Variants in TRAPPC3L observed in about 807,000 individuals in gnomAD.
TRAPPC3L encodes the protein trafficking protein particle complex subunit 3-like protein.
Under a neutral mutation model 23.7 loss-of-function variants are expected in TRAPPC3L, and 23 were observed. That is an observed-to-expected ratio of 0.97 (90% confidence interval 0.70 to 1.37). TRAPPC3L has a LOEUF of 1.37. Among genes scored for constraint, TRAPPC3L ranks in the 40% most tolerant of loss-of-function variants. The pLI is 0.00. For synonymous variants in TRAPPC3L, 81 were observed against 77.9 expected (o/e 1.04, Z -0.21); for missense variants, 212 against 216.8 (o/e 0.98, Z 0.14).
At chr6:116,530,222 C>T (rs550305733) in intron 3 of TRAPPC3L, among the ~76,000 whole-genome samples, 5 of 152,110 alleles carry the variant, frequency 3.3e-5, no homozygotes, top group Non-Finnish European at 7.4e-5. Flanking sequence ...AACCACCCCC[C>T]CTCCTTTTTA....
chr6:116,502,712 G>A (rs1373386138), intron 3 of TRAPPC3L, among the ~76,000 whole-genome samples: 1 of 152,210 alleles, frequency 6.6e-6, no homozygotes, highest in Non-Finnish European at 1.5e-5. Flanking sequence ...GAGAGTGGGG[G>A]CCAATATTCA....
chr6:116,503,605 A>G (rs1285319378), intron 3 of TRAPPC3L, among the ~76,000 whole-genome samples: 1 of 152,192 alleles, frequency 6.6e-6, no homozygotes, highest in Non-Finnish European at 1.5e-5. Context: ...TTATTCTAAC[A>G]TTGACCACAT....
At chr6:116,527,519 CAAAAAAAAAAA>C (rs34686241) in intron 3 of TRAPPC3L, among the ~76,000 whole-genome samples, 1 of 112,380 alleles carries the variant, frequency 8.9e-6, no homozygotes, top group Admixed American at 1.0e-4. Context: ...CGTCTCAAAA[CAAAAAAAAAAA>C]AAAAAAAAAG....
chr6:116,512,018 T>C (rs758169690), intron 3 of TRAPPC3L: 27 of 1,614,002 alleles, frequency 1.7e-5, no homozygotes, highest in Non-Finnish European at 2.2e-5. Flanking sequence ...TCTGAGCTCA[T>C]TGGTGGCTCC....
At chr6:116,527,799 AAC>A (rs1772491066) in intron 3 of TRAPPC3L, among the ~76,000 whole-genome samples, 1 of 152,204 alleles carries the variant, frequency 6.6e-6, no homozygotes, top group Non-Finnish European at 1.5e-5. Flanking sequence ...GAAGATTCAA[AAC>A]TTCTCCCCTA....
intron 3 of TRAPPC3L, among the ~76,000 whole-genome samples, chr6:116,510,056 G>A (rs1360809036): frequency 6.6e-6 from 1 of 152,022 alleles, no homozygotes; most frequent in Admixed American, 6.6e-5. Flanking sequence ...TATACAAATG[G>A]ACAACAAACA....
rs750166603 is a variant in TRAPPC3L, at chr6:116,515,959, G to T, written c.241-15293C>A. On this transcript the variant is annotated intron_variant, in intron 3 of 4. Coordinates refer to ENST00000368602, the MANE Select transcript of TRAPPC3L (RefSeq NM_001139444.3). ...GCCCTGAGGATGATGAGACGACAATGGTCCTTGTGGGTACTGCCCACAATA... is the reference window on the plus strand; with the variant it reads ...GCCCTGAGGATGATGAGACGACAATTGTCCTTGTGGGTACTGCCCACAATA... 10 of 1,607,252 alleles carry T rather than the reference G, an allele frequency of 6.2e-6. No individual in the cohort carries two copies. In the Middle Eastern group the frequency reaches 5.0e-4, roughly 80 times the overall value.
rs57050552 is a variant in TRAPPC3L, at chr6:116,516,660, A to AAT, written c.241-15996_241-15995dup. The AAT allele has an allele frequency of 8.5e-3, 879 of 103,856 alleles. 7 individuals carry two copies. The highest frequency in any genetic ancestry group is 0.01 in the Non-Finnish European group (558 of 53,210). The allele number at this position is 103,856 out of a possible 1,614,324, so 6.4% of individuals were successfully genotyped here. ...TCCTACATTCAAAATAGTAGTAACA[A>AAT]ATATATATATATATATATATATATA... On this transcript the variant is annotated intron_variant, in intron 3 of 4. Transcript: ENST00000368602.
chr6:116,534,240 G>C (rs1368983661), intron 3 of TRAPPC3L, among the ~76,000 whole-genome samples: 1 of 152,118 alleles, frequency 6.6e-6, no homozygotes, highest in Non-Finnish European at 1.5e-5. Context: ...CGCCTTCCAA[G>C]CTGTGGGACT....
At chr6:116,542,381 T>C (rs184850281) in intron 2 of TRAPPC3L, among the ~76,000 whole-genome samples, 1 of 152,114 alleles carries the variant, frequency 6.6e-6, no homozygotes, top group Non-Finnish European at 1.5e-5. Context: ...AAAATGAGAG[T>C]TTTTTAAAAA....
chr6:116,528,296 T>C (rs937820817), intron 3 of TRAPPC3L, among the ~76,000 whole-genome samples: 1 of 152,192 alleles, frequency 6.6e-6, no homozygotes, highest in Admixed American at 6.5e-5. Context: ...ATCCAATCAG[T>C]CTCAAAATCC....
chr6:116,540,067 G>A (rs775721647), intron 3 of TRAPPC3L, among the ~76,000 whole-genome samples: 4 of 152,170 alleles, frequency 2.6e-5, no homozygotes, highest in Non-Finnish European at 5.9e-5. Flanking sequence ...CATGTTTTAA[G>A]GTTGCCCTAT....
At chr6:116,524,253 C>T (rs886728789) in intron 3 of TRAPPC3L, 1 of 152,092 alleles carries the variant, frequency 6.6e-6, no homozygotes, top group East Asian at 1.9e-4. Context: ...GGTAGGTACA[C>T]GGAATTCATT....
At chr6:116,509,125 T>C (rs553112352) in intron 3 of TRAPPC3L, among the ~76,000 whole-genome samples, 1 of 138,758 alleles carries the variant, frequency 7.2e-6, no homozygotes, top group Non-Finnish European at 1.5e-5. Flanking sequence ...CACCGATGAA[T>C]ATACTTAATC....
intron 4 of TRAPPC3L, among the ~76,000 whole-genome samples, chr6:116,497,959 A>G (rs1434271145): frequency 6.6e-6 from 1 of 152,190 alleles, no homozygotes; most frequent in Non-Finnish European, 1.5e-5. Context: ...TTAAACCATT[A>G]GTGTACCAAA....
chr6:116,530,143 A>G (rs1022262176), intron 3 of TRAPPC3L, among the ~76,000 whole-genome samples: 9 of 152,196 alleles, frequency 5.9e-5, no homozygotes, highest in African/African-American at 1.9e-4. Flanking sequence ...GTTATTTAGA[A>G]AATGAAGGAA....
rs905650502 is a variant in TRAPPC3L at position 116,527,803 on chromosome 6, T to C, written c.240+12560A>G. 2.0e-5 allele frequency among the ~76,000 whole-genome samples: 3 copies of C among 152,144 alleles called. No homozygotes were observed. The East Asian group carries it at 5.8e-4, about 29-fold the overall frequency. Reference sequence around the variant, plus strand: ...TGGGATACCCGGAAGATTCAAAACTTCTCCCCTAGGAGGGAGAGCATTTGG... The same window carrying C: ...TGGGATACCCGGAAGATTCAAAACTCCTCCCCTAGGAGGGAGAGCATTTGG... On this transcript the variant is annotated intron_variant, in intron 3 of 4. Coordinates refer to ENST00000368602, the MANE Select transcript of TRAPPC3L (RefSeq NM_001139444.3).
chr6:116,521,830 C>G (rs1452786432), intron 3 of TRAPPC3L: 1 of 152,202 alleles, frequency 6.6e-6, no homozygotes, highest in Non-Finnish European at 1.5e-5. Context: ...CACTTTGAAT[C>G]TGACCTTATG....
At chr6:116,528,996 G>A (rs1772536945) in intron 3 of TRAPPC3L, 1 of 152,230 alleles carries the variant, frequency 6.6e-6, no homozygotes, top group East Asian at 1.9e-4. Flanking sequence ...AAAATGTTGA[G>A]AATGAGGCAT....
Sources: allele counts gnomAD v4.1 joint callset (sites outside exome capture counted in the v4.1 genomes callset), GRCh38; gene constraint gnomAD v4.1.1; transcripts MANE v1.5; gene names NCBI Gene and HGNC (gene_info 2026-07-23, HGNC 2026-07-21).